THRB: variants seen among roughly 807,000 people sequenced by gnomAD.
THRB encodes the protein nuclear receptor subfamily 1 group A member 2.
Under a neutral mutation model 47.8 loss-of-function variants are expected in THRB, and 12 were observed. The ratio of observed to expected loss-of-function variants is 0.25; its 90% CI spans 0.16 to 0.41. The LOEUF (loss-of-function observed/expected upper bound fraction) is 0.41, where lower values mean the gene tolerates loss of function less well. THRB is among the 10% of genes least tolerant of loss of function. The pLI, the probability that THRB is intolerant of heterozygous loss-of-function variation, is 1.00. For missense variants in THRB, 348 were observed against 589.2 expected, an observed-to-expected ratio of 0.59 and a Z score of 4.24; for synonymous variants, 218 against 212.2, an observed-to-expected ratio of 1.03 and a Z score of -0.24.
chr3:24,387,211 C>T (rs962450158), intron 1 of THRB, among the ~76,000 whole-genome samples: 5 of 152,114 alleles, frequency 3.3e-5, no homozygotes, highest in African/African-American at 1.2e-4. Flanking sequence ...TGGTTGTCTA[C>T]CCAGTGCTTT....
At chr3:24,418,398 A>G (rs2068942055) in intron 1 of THRB, among the ~76,000 whole-genome samples, 1 of 151,418 alleles carries the variant, frequency 6.6e-6, no homozygotes, top group Non-Finnish European at 1.5e-5. Context: ...CTCCACCCCC[A>G]CTTAACACTG....
At chr3:24,235,638 C>CATTAGCA (rs996159355) in intron 3 of THRB, among the ~76,000 whole-genome samples, 3 of 152,104 alleles carry the variant, frequency 2.0e-5, no homozygotes, top group Non-Finnish European at 4.4e-5. Context: ...GGGGAACCTT[C>CATTAGCA]ATTAGCAATT....
At position 24,492,838 on chromosome 3, in the gene THRB, C is replaced by T. The variant is rs549972893; in HGVS notation, c.-261+1814G>A. On this transcript the variant is annotated intron_variant, in intron 1 of 10. Coordinates refer to ENST00000646209, the MANE Select transcript of THRB (RefSeq NM_001354712.2). ...CAATGTCAATAAAAGTATACCTTTG[C>T]ATTGTAATGCCAACAGGAATTATTT... Among the ~76,000 whole-genome samples, 4 of 152,290 alleles carry T rather than the reference C, an allele frequency of 2.6e-5. No homozygotes were observed. In the South Asian group the frequency reaches 8.3e-4, roughly 32 times the overall value.
chr3:24,328,740 C>T (rs1009375191), intron 2 of THRB, among the ~76,000 whole-genome samples: 3 of 152,324 alleles, frequency 2.0e-5, no homozygotes, highest in South Asian at 2.1e-4. Flanking sequence ...TTGGCCTGGT[C>T]CACTGTGGCC....
intron 5 of THRB, 49 bp downstream of exon 5, chr3:24,190,020 ATATTT>A (rs776130044): frequency 6.5e-7 from 1 of 1,545,030 alleles, no homozygotes; most frequent in Non-Finnish European, 8.9e-7. Flanking sequence ...TACAACAGGG[ATATTT>A]TTTTTCTTGT....
intron 4 of THRB, among the ~76,000 whole-genome samples, chr3:24,206,669 A>G (rs2045392041): frequency 6.6e-6 from 1 of 152,202 alleles, no homozygotes; most frequent in South Asian, 2.1e-4. Context: ...GAACTGAAGG[A>G]GATAGAGATA....
intron 4 of THRB, among the ~76,000 whole-genome samples, chr3:24,207,189 C>CA (rs538644864): frequency 9.2e-5 from 14 of 151,948 alleles, no homozygotes; most frequent in Non-Finnish European, 2.1e-4. Flanking sequence ...CGAGACACAA[C>CA]AAAAAAAGAG....
chr3:24,475,802 AAGAT>A (rs1695367765), intron 1 of THRB, among the ~76,000 whole-genome samples: 5 of 152,264 alleles, frequency 3.3e-5, no homozygotes, highest in South Asian at 2.1e-4. Context: ...TAATAAAGTA[AAGAT>A]TCTATATAAC....
Position 24,190,233 on chromosome 3 carries a change from G to A in THRB, c.124C>T (p.His42Tyr). ...TTCAACGTGCTGCGCCTCTCTGAAT[G>A]GCTCTTCCTATGTAGGCAGGCTTCA... ...MSEACLHRKS[H>Y]SERRSTLKNE... The change falls in exon 5 of 11, where the codon CAT becomes TAT. Residue 42 changes from histidine (H) to tyrosine (Y), a missense_variant. His to Tyr is a moderately conservative substitution (Grantham distance 83). Transcript: ENST00000646209. The A allele has an allele frequency of 6.2e-7, 1 of 1,614,052 alleles. No individual in the cohort carries two copies. Among genetic ancestry groups the A allele is most frequent in the Non-Finnish European group, 8.5e-7 (1 of 1,179,972 alleles).
chr3:24,151,198 A>T (rs1330809335), intron 6 of THRB, among the ~76,000 whole-genome samples: 1 of 152,238 alleles, frequency 6.6e-6, no homozygotes, highest in African/African-American at 2.4e-5. Flanking sequence ...TGGATGTATT[A>T]TCTCAACATT....
chr3:24,219,920 T>A (rs995119555), intron 4 of THRB, among the ~76,000 whole-genome samples: 2 of 152,224 alleles, frequency 1.3e-5, no homozygotes, highest in Admixed American at 1.3e-4. Flanking sequence ...ACCAGATGCG[T>A]AGCGGAATCA....
intron 1 of THRB, among the ~76,000 whole-genome samples, chr3:24,477,001 T>A (rs1216521817): frequency 6.6e-6 from 1 of 151,232 alleles, no homozygotes; most frequent in Admixed American, 6.6e-5. Flanking sequence ...GGTAGTGGTT[T>A]TCAAGATTTT....
chr3:24,364,582 A>T (rs1271781299), intron 1 of THRB, among the ~76,000 whole-genome samples: 1 of 152,176 alleles, frequency 6.6e-6, no homozygotes, highest in Non-Finnish European at 1.5e-5. Context: ...CGTAGGTAGT[A>T]AACAAATCAG....
chr3:24,124,459 T>A (rs72619911), intron 10 of THRB, among the ~76,000 whole-genome samples: 1 of 152,188 alleles, frequency 6.6e-6, no homozygotes. Flanking sequence ...TTGGATGTGT[T>A]CTTTCAAAGG....
intron 1 of THRB, among the ~76,000 whole-genome samples, chr3:24,341,348 A>G (rs2062640343): frequency 6.7e-6 from 1 of 149,114 alleles, no homozygotes; most frequent in Admixed American, 6.8e-5. Flanking sequence ...CTCCTGCCTC[A>G]GCATCCTGAG....
intron 3 of THRB, among the ~76,000 whole-genome samples, chr3:24,240,594 G>A (rs140535120): frequency 2.6e-5 from 4 of 152,292 alleles, no homozygotes; most frequent in Non-Finnish European, 4.4e-5. Flanking sequence ...ATGAATAAAT[G>A]ACCGGTTGCC....
chr3:24,286,874 G>A (rs763628076), intron 3 of THRB, among the ~76,000 whole-genome samples: 7 of 152,118 alleles, frequency 4.6e-5, no homozygotes, highest in African/African-American at 1.4e-4. Context: ...TAGCCTGGGC[G>A]GCATGGGGTT....
chr3:24,160,629 A>C (rs1047960844), intron 5 of THRB, among the ~76,000 whole-genome samples: 1 of 152,164 alleles, frequency 6.6e-6, no homozygotes, highest in African/African-American at 2.4e-5. Context: ...AATGCTCTGG[A>C]AACAGGAAGA....
At chr3:24,339,993 A>T (rs1206155679) in intron 1 of THRB, among the ~76,000 whole-genome samples, 2 of 152,216 alleles carry the variant, frequency 1.3e-5, no homozygotes, top group Non-Finnish European at 2.9e-5. Flanking sequence ...TATATTTGGA[A>T]TATAGTTATT....
Sources: allele counts gnomAD v4.1 joint callset (sites outside exome capture counted in the v4.1 genomes callset), GRCh38; gene constraint gnomAD v4.1.1; transcripts MANE v1.5; gene names NCBI Gene and HGNC (gene_info 2026-07-23, HGNC 2026-07-21).